Variants in FGF14 observed in about 807,000 individuals in gnomAD.
FGF14 encodes fibroblast growth factor 14, also known as fibroblast growth factor homologous factor 4.
A neutral mutation model predicts 25.5 loss-of-function variants in FGF14; 5 were observed. The observed-to-expected ratio is 0.20, with a 90% CI of 0.10 to 0.41. The LOEUF (loss-of-function observed/expected upper bound fraction) is 0.41, where lower values mean the gene tolerates loss of function less well. Ranked by LOEUF, FGF14 falls within the 10% of genes least tolerant of loss-of-function variation. The pLI is 1.00. For missense variants in FGF14, 222 were observed against 320.1 expected (o/e 0.69, Z 2.34); for synonymous variants, 138 against 118.3 (o/e 1.17, Z -1.08).
chr13:101,963,989 A>G (rs1282685845), intron 1 of FGF14, among the ~76,000 whole-genome samples: 20 of 152,234 alleles, frequency 1.3e-4, no homozygotes, highest in Non-Finnish European at 2.5e-4. Context: ...TATAATAATA[A>G]ATGCTGAAGT....
At chr13:101,745,815 G>T (rs2036849719) in intron 3 of FGF14, among the ~76,000 whole-genome samples, 2 of 151,918 alleles carry the variant, frequency 1.3e-5, no homozygotes, top group Non-Finnish European at 2.9e-5. Context: ...TGGGTTTCAT[G>T]GTGAGAACCT....
intron 1 of FGF14, among the ~76,000 whole-genome samples, chr13:102,189,608 C>T (rs1414473425): frequency 6.6e-6 from 1 of 152,174 alleles, no homozygotes; most frequent in Non-Finnish European, 1.5e-5. Context: ...CCAATCAGTG[C>T]TATAACAATG....
At chr13:101,730,498 GAA>G (rs1012775387) in intron 3 of FGF14, among the ~76,000 whole-genome samples, 3 of 152,102 alleles carry the variant, frequency 2.0e-5, no homozygotes, top group African/African-American at 7.2e-5. Context: ...TTTTGAAAAT[GAA>G]AAGTTTCTTG....
intron 1 of FGF14, among the ~76,000 whole-genome samples, chr13:102,107,713 T>G (rs1309923611): frequency 4.6e-5 from 7 of 152,010 alleles, no homozygotes; most frequent in Non-Finnish European, 8.8e-5. Context: ...CATTGGAAAA[T>G]TTCTTAAGAT....
At chr13:102,058,459 G>A (rs2042533253) in intron 1 of FGF14, among the ~76,000 whole-genome samples, 1 of 151,954 alleles carries the variant, frequency 6.6e-6, no homozygotes, top group African/African-American at 2.4e-5. Flanking sequence ...TTCATCAAGG[G>A]GTTTTACCTT....
At chr13:102,095,253 A>C (rs575767298) in intron 1 of FGF14, among the ~76,000 whole-genome samples, 1 of 152,266 alleles carries the variant, frequency 6.6e-6, no homozygotes. Flanking sequence ...TGGATCTTGG[A>C]AAAATTCAAG....
chr13:102,261,421 A>G (rs1273175263), intron 1 of FGF14, among the ~76,000 whole-genome samples: 3 of 152,270 alleles, frequency 2.0e-5, no homozygotes, highest in Non-Finnish European at 2.9e-5. Flanking sequence ...ATGTGAATGT[A>G]GCATCTTTAA....
At chr13:101,744,438 G>A (rs1459291517) in intron 3 of FGF14, among the ~76,000 whole-genome samples, 2 of 151,988 alleles carry the variant, frequency 1.3e-5, no homozygotes, top group African/African-American at 4.8e-5. Context: ...ATTTTTGTGA[G>A]TTACATTTTT....
chr13:101,887,139 T>G (rs1390857281), intron 1 of FGF14, among the ~76,000 whole-genome samples: 2 of 151,804 alleles, frequency 1.3e-5, no homozygotes, highest in African/African-American at 4.8e-5. Flanking sequence ...GTATGGAGGT[T>G]TCTCAAAAAA....
At chr13:101,743,003 A>AT (rs1435601135) in intron 3 of FGF14, among the ~76,000 whole-genome samples, 2 of 152,194 alleles carry the variant, frequency 1.3e-5, no homozygotes, top group East Asian at 3.9e-4. Flanking sequence ...GAATGCAATC[A>AT]TATTTCTCTT....
chr13:101,914,355 C>T (rs1409933244), intron 1 of FGF14, among the ~76,000 whole-genome samples: 2 of 151,534 alleles, frequency 1.3e-5, no homozygotes, highest in Non-Finnish European at 2.9e-5. Context: ...CTGTATTTTT[C>T]TCCTCTGAAG....
intron 1 of FGF14, among the ~76,000 whole-genome samples, chr13:102,392,178 G>A (rs2058447913): frequency 6.6e-6 from 1 of 152,162 alleles, no homozygotes; most frequent in South Asian, 2.1e-4. Context: ...AGGAAAAAAA[G>A]GCATTTTAAC....
chr13:101,815,307 A>C (rs887607417), intron 3 of FGF14, among the ~76,000 whole-genome samples: 2 of 152,094 alleles, frequency 1.3e-5, no homozygotes, highest in African/African-American at 4.8e-5. Flanking sequence ...GAAAGGCATG[A>C]AAGAGGTAAT....
intron 1 of FGF14, among the ~76,000 whole-genome samples, chr13:101,925,992 A>T (rs934304781): frequency 6.6e-6 from 1 of 151,840 alleles, no homozygotes; most frequent in Non-Finnish European, 1.5e-5. Flanking sequence ...CCTACTACTG[A>T]CTCTGATCCT....
intron 3 of FGF14, among the ~76,000 whole-genome samples, chr13:101,734,139 C>T (rs1370946634): frequency 6.6e-6 from 1 of 152,056 alleles, no homozygotes. Flanking sequence ...AGGCCCACCT[C>T]AGACCTACAG....
At chr13:102,250,878 T>C (rs1009915381) in intron 1 of FGF14, among the ~76,000 whole-genome samples, 1 of 152,192 alleles carries the variant, frequency 6.6e-6, no homozygotes, top group African/African-American at 2.4e-5. Context: ...TTTAGTGTTA[T>C]TCCTTTATTT....
chr13:102,221,143 G>T (rs2050592846), intron 1 of FGF14, among the ~76,000 whole-genome samples: 1 of 152,144 alleles, frequency 6.6e-6, no homozygotes, highest in African/African-American at 2.4e-5. Flanking sequence ...AGGTACTCTA[G>T]CAATGCAAAT....
chr13:101,749,484 G>T (rs1316290207), intron 3 of FGF14, among the ~76,000 whole-genome samples: 1 of 151,622 alleles, frequency 6.6e-6, no homozygotes, highest in Non-Finnish European at 1.5e-5. Flanking sequence ...CAGAAATAGA[G>T]AATAAAAAAG....
chr13:102,207,837 C>T (rs1195987737), intron 1 of FGF14, among the ~76,000 whole-genome samples: 4 of 152,160 alleles, frequency 2.6e-5, no homozygotes, highest in African/African-American at 9.6e-5. Context: ...CATAGCTGCA[C>T]AGTGAACCAG....
Sources: gnomAD v4.1 joint callset for allele counts (sites outside exome capture counted in the v4.1 genomes callset) on GRCh38, gnomAD v4.1.1 for gene constraint, MANE v1.5 for transcripts, NCBI Gene and HGNC (gene_info 2026-07-23, HGNC 2026-07-21) for gene names.